TTLL11: variants seen among roughly 807,000 people sequenced by gnomAD.
TTLL11 encodes the protein tubulin tyrosine ligase like 11.
In TTLL11, 42 loss-of-function variants were observed where a neutral mutation model predicts 51.7. The ratio of observed to expected loss-of-function variants is 0.81; its 90% confidence interval spans 0.64 to 1.05. TTLL11 has a LOEUF of 1.05. TTLL11 is among the 50% of genes least tolerant of loss of function. TTLL11 has a pLI of 0.00. For missense variants in TTLL11, 799 were observed against 940.4 expected, an observed-to-expected ratio of 0.85 and a Z score of 1.97; for synonymous variants, 381 against 383.5, an observed-to-expected ratio of 0.99 and a Z score of 0.08.
chr9:121,974,730 T>C (rs1208511121), intron 5 of TTLL11, among the ~76,000 whole-genome samples, 154 bp downstream of exon 5: 1 of 152,214 alleles, frequency 6.6e-6, no homozygotes, highest in Non-Finnish European at 1.5e-5. Flanking sequence ...TAGTCTATGT[T>C]GAGAACTCAA....
At chr9:121,934,004 C>T (rs748084899) in intron 6 of TTLL11, among the ~76,000 whole-genome samples, 1 of 152,118 alleles carries the variant, frequency 6.6e-6, no homozygotes, top group Non-Finnish European at 1.5e-5. Context: ...CCGAGACTGG[C>T]GGATCACCTG....
chr9:121,952,444 C>CAAAAAA (rs67882979), intron 6 of TTLL11, among the ~76,000 whole-genome samples: 1 of 121,942 alleles, frequency 8.2e-6, no homozygotes. Context: ...GACTCCGCCT[C>CAAAAAA]AAAAAAAAAA....
chr9:122,049,280 A>G (rs576761077), intron 1 of TTLL11, among the ~76,000 whole-genome samples: 2 of 152,336 alleles, frequency 1.3e-5, no homozygotes, highest in South Asian at 4.1e-4. Context: ...ACATGATAAA[A>G]GTGCTATTAA....
chr9:121,935,875 C>T (rs538283649), intron 6 of TTLL11, among the ~76,000 whole-genome samples: 11 of 152,280 alleles, frequency 7.2e-5, no homozygotes, highest in African/African-American at 2.4e-4. Context: ...CACAGAGCCT[C>T]GCTCGGTGAA....
At chr9:121,863,756 A>T (rs912969198) in intron 7 of TTLL11, among the ~76,000 whole-genome samples, 11 of 152,178 alleles carry the variant, frequency 7.2e-5, no homozygotes, top group Admixed American at 5.9e-4. Context: ...CTGGATTTTA[A>T]CCATTCCTTG....
intron 6 of TTLL11, among the ~76,000 whole-genome samples, chr9:121,928,441 ATT>A (rs35562644): frequency 0.032 from 4,154 of 131,752 alleles, 97 homozygotes; most frequent in African/African-American, 0.084. Context: ...TTTGTTTTGG[ATT>A]TTTTTTTTTT....
chr9:121,860,873 C>G (rs1837985473), intron 7 of TTLL11, among the ~76,000 whole-genome samples: 2 of 152,182 alleles, frequency 1.3e-5, no homozygotes, highest in Non-Finnish European at 1.5e-5. Context: ...CCTGAACCGA[C>G]TGACATTGTT....
At chr9:121,827,572 C>T (rs992418329) in intron 8 of TTLL11, among the ~76,000 whole-genome samples, 11 of 152,204 alleles carry the variant, frequency 7.2e-5, no homozygotes, top group Admixed American at 2.0e-4. Context: ...CACTGACAGA[C>T]GGTCCTATTG....
At chr9:121,884,626 A>G (rs1396145333) in intron 6 of TTLL11, 2 of 152,192 alleles carry the variant, frequency 1.3e-5, no homozygotes, top group African/African-American at 4.8e-5. Context: ...CCCCCTTGCC[A>G]GGGAATGGAG....
At chr9:121,940,072 G>A (rs978952285) in intron 6 of TTLL11, among the ~76,000 whole-genome samples, 2 of 152,098 alleles carry the variant, frequency 1.3e-5, no homozygotes, top group African/African-American at 4.8e-5. Flanking sequence ...CTTCGTTACT[G>A]GAACATGACA....
At chr9:121,861,564 A>C (rs1406608224) in intron 7 of TTLL11, among the ~76,000 whole-genome samples, 2 of 152,152 alleles carry the variant, frequency 1.3e-5, no homozygotes, top group Non-Finnish European at 2.9e-5. Context: ...AAAGAGAACA[A>C]ACTCCACATG....
intron 3 of TTLL11, among the ~76,000 whole-genome samples, chr9:122,011,304 G>A (rs1843784351): frequency 6.6e-6 from 1 of 152,026 alleles, no homozygotes; most frequent in Non-Finnish European, 1.5e-5. Flanking sequence ...TCAGTAGCAT[G>A]AAAACAGACT....
chr9:122,090,598 C>T (rs1437074032), intron 1 of TTLL11, among the ~76,000 whole-genome samples: 1 of 152,158 alleles, frequency 6.6e-6, no homozygotes, highest in Non-Finnish European at 1.5e-5. Context: ...CTCTACCTCC[C>T]GCAGCATTTC....
At chr9:121,974,843 C>T in intron 5 of TTLL11, 41 bp downstream of exon 5, 2 of 1,419,854 alleles carry the variant, frequency 1.4e-6, no homozygotes, top group Non-Finnish European at 1.9e-6. Context: ...GAATATTCAG[C>T]TGTATGGCAA....
rs2131875121 is a variant in TTLL11 at position 122,062,796 on chromosome 9, A to G, written c.463-23428T>C. ...ATATTAACTTTCCCCAGATTTTTTTAAGAGATGGAGTCTCACTCTATTAGC... is the reference window on the plus strand; with the variant it reads ...ATATTAACTTTCCCCAGATTTTTTTGAGAGATGGAGTCTCACTCTATTAGC... On this transcript the variant is annotated intron_variant, in intron 1 of 8. Transcript: ENST00000321582. 2.6e-5 allele frequency among the ~76,000 whole-genome samples: 4 copies of G among 150,946 alleles called. No individual in the cohort carries two copies. In the South Asian group the frequency reaches 8.4e-4, roughly 32 times the overall value.
chr9:121,989,792 G>T lies in TTLL11; in HGVS notation c.694-22C>A. 6.4e-7 allele frequency: 1 copy of T among 1,569,150 alleles called. No individual in the cohort carries two copies. On this transcript the variant is annotated intron_variant, in intron 3 of 8. Transcript: ENST00000321582. This position sits in a 1 kb window ranked among gnomAD's most constrained non-coding sequence, Gnocchi z 4.2. ...GAACCTGGAGGGGGAAAAAAGGATG[G>T]CCGACATTATATTGTTTTCCCTCTG...
intron 8 of TTLL11, among the ~76,000 whole-genome samples, chr9:121,845,831 A>C (rs1010357718): frequency 6.6e-6 from 1 of 152,236 alleles, no homozygotes; most frequent in Non-Finnish European, 1.5e-5. Flanking sequence ...TTAAAACCAG[A>C]AAAGGCAGAA....
chr9:121,950,884 A>G (rs376565970), intron 6 of TTLL11, among the ~76,000 whole-genome samples: 2 of 152,206 alleles, frequency 1.3e-5, no homozygotes, highest in Non-Finnish European at 2.9e-5. Context: ...ATAATACCTT[A>G]TAGGGTTACG....
intron 3 of TTLL11, among the ~76,000 whole-genome samples, chr9:121,990,404 A>T (rs1843077380): frequency 6.6e-6 from 1 of 152,222 alleles, no homozygotes; most frequent in Admixed American, 6.5e-5. Flanking sequence ...GCAAGAGGCT[A>T]AGGACCTAGA....
Sources: allele counts gnomAD v4.1 joint callset (sites outside exome capture counted in the v4.1 genomes callset), GRCh38; gene constraint gnomAD v4.1.1; non-coding constraint Gnocchi (gnomAD v3.1); transcripts MANE v1.5; gene names NCBI Gene and HGNC (gene_info 2026-07-23, HGNC 2026-07-21).